The following GSAP variants were observed in gnomAD, a reference collection of about 807,000 sequenced individuals.
GSAP encodes the protein gamma-secretase activating protein.
In GSAP, 118 loss-of-function variants were observed where a neutral mutation model predicts 131.7. That is an observed-to-expected ratio of 0.90 (90% CI 0.77 to 1.04). The LOEUF (loss-of-function observed/expected upper bound fraction) is 1.04, where lower values mean the gene tolerates loss of function less well. Among genes scored for constraint, GSAP ranks in the 50% least tolerant of loss-of-function variants. GSAP has a pLI of 0.00. For missense variants in GSAP, 1,019 were observed against 1,013.2 expected (o/e 1.01, Z -0.08); for synonymous variants, 381 against 363.4 (o/e 1.05, Z -0.55).
intron 12 of GSAP, among the ~76,000 whole-genome samples, chr7:77,364,668 GTAA>G (rs1027004792): frequency 1.3e-5 from 2 of 151,784 alleles, no homozygotes; most frequent in Non-Finnish European, 2.9e-5. Context: ...AACTTAAAGT[GTAA>G]TAATAAAATA....
chr7:77,384,460 AT>A (rs751716521), intron 6 of GSAP, among the ~76,000 whole-genome samples: 2 of 152,118 alleles, frequency 1.3e-5, no homozygotes, highest in East Asian at 3.9e-4. Context: ...ACTCAAGGTT[AT>A]TTTTTTTGTA....
chr7:77,374,141 C>G lies in GSAP; in HGVS notation c.800G>C (p.Gly267Ala). The stretch of plus-strand genomic sequence containing the variant: ...ATCTCGGTATTGATGATAATCACAT[C>G]CAAAGTTGACAAGTCTAAGAACATA... ...SNSGFKLVNF[G>A]CDYHQYRDKF... The change falls in exon 12 of 31, where the codon GGA (glycine) becomes GCA (alanine). Residue 267 changes from glycine to alanine, a missense_variant. Coordinates refer to ENST00000257626, the MANE Select transcript of GSAP (RefSeq NM_017439.4). The G allele has an allele frequency of 1.3e-6, 2 of 1,567,072 alleles. No individual in the cohort carries two copies.
rs569935914 is a variant in GSAP, at chr7:77,343,887, T to C, written c.1545+5464A>G. 3.3e-5 allele frequency among the ~76,000 whole-genome samples: 5 copies of C among 152,260 alleles called. No homozygotes were observed. In the South Asian group the frequency reaches 1.0e-3, roughly 32 times the overall value. ...GTTTCCTTTCCACCGTGGAAATCTA[T>C]CCTCAAGGAAATCACTTCTCAGTGT... On this transcript the variant is annotated intron_variant, in intron 19 of 30. Transcript: ENST00000257626.
At chr7:77,352,324 C>G (rs764255781) in intron 18 of GSAP, among the ~76,000 whole-genome samples, 1 of 152,220 alleles carries the variant, frequency 6.6e-6, no homozygotes, top group Non-Finnish European at 1.5e-5. Context: ...AGAACTTTTT[C>G]AGGCACAGCC....
chr7:77,368,299 CCTTCCCTGTGAGAGTGGCACTTACG>C lies in GSAP; in HGVS notation c.872-5664_872-5640del, dbSNP rs577398624. On this transcript the variant is annotated intron_variant, in intron 12 of 30. Transcript: ENST00000257626. ...GTTGAAGGCGCTGCATTTACTCGCCCCTTCCCTGTGAGAGTGGCACTTACGCTTCCCTGTGAGAGTGGCTCACATT... is the reference window on the plus strand; with the variant it reads ...GTTGAAGGCGCTGCATTTACTCGCCCCTTCCCTGTGAGAGTGGCTCACATT... Among the ~76,000 whole-genome samples the C allele has an allele frequency of 6.6e-4, 101 of 152,296 alleles. 1 individual carries two copies. Among genetic ancestry groups the C allele is most frequent in the African/African-American group, 2.1e-3 (87 of 41,564 alleles).
rs567557102 is a variant in GSAP, at chr7:77,343,665, C to G, written c.1545+5686G>C. The stretch of plus-strand genomic sequence containing the variant: ...TCTGTCCCTCACTGCCAGTTTTTCT[C>G]CTTCTCATCGGTCACTTCCACCTAC... On this transcript the variant is annotated intron_variant, in intron 19 of 30. Transcript: ENST00000257626. Among the ~76,000 whole-genome samples, 83 of 152,292 alleles carry G rather than the reference C, an allele frequency of 5.5e-4. 2 individuals carry two copies. The South Asian group carries it at 0.017, about 30-fold the overall frequency.
chr7:77,342,681 A>G (rs1225173461), intron 19 of GSAP, among the ~76,000 whole-genome samples: 1 of 152,120 alleles, frequency 6.6e-6, no homozygotes, highest in Non-Finnish European at 1.5e-5. Context: ...CTCAATGCCA[A>G]TATTCCATCC....
intron 12 of GSAP, among the ~76,000 whole-genome samples, chr7:77,373,519 G>A (rs1286950174): frequency 6.6e-6 from 1 of 152,176 alleles, no homozygotes; most frequent in Non-Finnish European, 1.5e-5. Flanking sequence ...TTTTTCACCA[G>A]ATTTATTGAA....
chr7:77,407,229 C>T (rs1376883426), intron 1 of GSAP, among the ~76,000 whole-genome samples: 2 of 152,172 alleles, frequency 1.3e-5, no homozygotes, highest in Admixed American at 6.5e-5. Flanking sequence ...ATACAATGTC[C>T]TTTATTTCTA....
chr7:77,330,463 A>G, intron 19 of GSAP, 96 bp from the exon 20 acceptor site: 2 of 1,488,048 alleles, frequency 1.3e-6, no homozygotes, highest in Non-Finnish European at 9.0e-7. Context: ...CCGAGCTCTC[A>G]GGGTCCACAT....
At chr7:77,338,687 G>A (rs1790421347) in intron 19 of GSAP, among the ~76,000 whole-genome samples, 1 of 152,164 alleles carries the variant, frequency 6.6e-6, no homozygotes, top group South Asian at 2.1e-4. Context: ...GGCACTAATT[G>A]CAATCACCAG....
rs202189739 is a variant in GSAP, at chr7:77,362,610, T to C, written c.922A>G (p.Thr308Ala). The C allele has an allele frequency of 1.7e-5, 27 of 1,579,534 alleles. No homozygotes were observed. Among genetic ancestry groups the C allele is most frequent in the Non-Finnish European group, 2.0e-5 (23 of 1,149,364 alleles). The stretch of plus-strand genomic sequence containing the variant: ...TTATGAATGTAAAACACTGAATATG[T>C]GATTTGTCCCCAAGAGGCACACTTC... The part of the protein sequence containing the change: ...SPKCASWGQI[T>A]YSVFYIHKGH... Residue 308 changes from threonine (T) to alanine (A), a missense_variant, in exon 13 of 31, where the codon ACA (threonine) becomes GCA (alanine). Physicochemically the swap from Thr to Ala is moderately conservative, Grantham distance 58 (BLOSUM62 0). Coordinates refer to ENST00000257626, the MANE Select transcript of GSAP (RefSeq NM_017439.4).
chr7:77,416,563 G>C (rs1804509257), upstream of GSAP: 1 of 372,740 alleles, frequency 2.7e-6, no homozygotes, highest in Non-Finnish European at 4.8e-6. Context: ...GGGCGGGGTG[G>C]ACCAGGCGCC....
At chr7:77,358,031 CA>C (rs2150893245) in intron 14 of GSAP, among the ~76,000 whole-genome samples, 1 of 152,250 alleles carries the variant, frequency 6.6e-6, no homozygotes, top group Admixed American at 6.5e-5. Context: ...CAGTTAAAAA[CA>C]AAATAAGGTA....
At chr7:77,338,694 C>A (rs1301832532) in intron 19 of GSAP, among the ~76,000 whole-genome samples, 2 of 152,148 alleles carry the variant, frequency 1.3e-5, no homozygotes, top group African/African-American at 4.8e-5. Flanking sequence ...ATTGCAATCA[C>A]CAGGGCTCTG....
Position 77,362,621 on chromosome 7 carries a change from C to T in GSAP, c.911G>A (p.Trp304Ter), listed in dbSNP as rs777616520. ...AAACACTGAATATGTGATTTGTCCC[C>T]AAGAGGCACACTTCGGGCTGTAACA... Reference protein sequence around the residue: ...CVCYSPKCASWGQITYSVFYI... With the variant: ...CVCYSPKCAS Residue 304 changes from tryptophan (W) to a stop codon, truncating the protein, a stop_gained, in exon 13 of 31, where the codon TGG (tryptophan) becomes TAG (stop). Coordinates refer to ENST00000257626, the MANE Select transcript of GSAP (RefSeq NM_017439.4). LOFTEE classifies it high-confidence loss of function. 1 of 1,585,812 alleles carries T rather than the reference C, an allele frequency of 6.3e-7. No individual in the cohort carries two copies. Among genetic ancestry groups the T allele is most frequent in the Non-Finnish European group, 8.7e-7 (1 of 1,155,064 alleles).
intron 8 of GSAP, among the ~76,000 whole-genome samples, chr7:77,377,761 C>T (rs1455343745): frequency 1.3e-5 from 2 of 152,182 alleles, no homozygotes; most frequent in Non-Finnish European, 2.9e-5. Context: ...CAGACAAGAG[C>T]CCTCCACTAC....
intron 1 of GSAP, chr7:77,415,595 G>A (rs1304619790): frequency 6.6e-6 from 1 of 152,060 alleles, no homozygotes; most frequent in Non-Finnish European, 1.5e-5. Flanking sequence ...GCTCGGGGGC[G>A]GCTGGGGGCT....
At position 77,382,627 on chromosome 7, in the gene GSAP, A is replaced by T; in HGVS notation, c.473T>A (p.Ile158Asn). 6.4e-7 allele frequency: 1 copy of T among 1,551,226 alleles called. No individual in the cohort carries two copies. ...YIWVQFLYPH[I>N]ESHPLPENHL... ...GTTCTCTGGAAGAGGATGACTTTCA[A>T]TATGTGGGTAGAGAAACTGTAAAAA... The change falls in exon 7 of 31, where the codon ATT becomes AAT. Residue 158 changes from isoleucine (I) to asparagine (N), a missense_variant. Transcript: ENST00000257626.
Sources: gnomAD v4.1 joint callset for allele counts (sites outside exome capture counted in the v4.1 genomes callset) on GRCh38, gnomAD v4.1.1 for gene constraint, MANE v1.5 for transcripts, NCBI Gene and HGNC (gene_info 2026-07-23, HGNC 2026-07-21) for gene names.